NT5DC3: variants seen among roughly 807,000 people sequenced by gnomAD.
The protein encoded by NT5DC3 is 5'-nucleotidase domain-containing protein 3.
A neutral mutation model predicts 67.8 loss-of-function variants in NT5DC3; 42 were observed. The ratio of observed to expected loss-of-function variants is 0.62; its 90% CI spans 0.48 to 0.80. The LOEUF is 0.80. Ranked by LOEUF, NT5DC3 falls within the 30% of genes least tolerant of loss-of-function variation. NT5DC3 has a pLI of 0.00. For missense variants in NT5DC3, 570 were observed against 696.4 expected, an observed-to-expected ratio of 0.82 and a Z score of 2.04; for synonymous variants, 237 against 255.6, an observed-to-expected ratio of 0.93 and a Z score of 0.69.
At chr12:103,800,863 G>A (rs143249831) in intron 4 of NT5DC3, among the ~76,000 whole-genome samples, 241 of 152,210 alleles carry the variant, frequency 1.6e-3, no homozygotes, top group African/African-American at 5.6e-3. Flanking sequence ...TCCCTTTTGG[G>A]TCTCAAAGTC....
intron 9 of NT5DC3, among the ~76,000 whole-genome samples, chr12:103,791,919 C>T (rs1045232276): frequency 3.3e-5 from 5 of 152,232 alleles, no homozygotes; most frequent in Non-Finnish European, 7.3e-5. Flanking sequence ...CCCCCACAAA[C>T]CTGCTGGAAA....
At chr12:103,785,516 A>G (rs1249725496) in intron 11 of NT5DC3, 41 bp from the exon 12 acceptor site, 1 of 1,604,888 alleles carries the variant, frequency 6.2e-7, no homozygotes, top group Non-Finnish European at 8.5e-7. Flanking sequence ...CAGTCTCAAC[A>G]GAATCTAAAC....
At chr12:103,759,110 CTG>C in the NT5DC3 span, 10 of 1,614,116 alleles carry the variant, frequency 6.2e-6, no homozygotes, top group East Asian at 2.2e-5. Flanking sequence ...GAAGAGCATT[CTG>C]TGTTTCTCCT....
chr12:103,837,719 A>C (rs1888212005), intron 1 of NT5DC3, among the ~76,000 whole-genome samples: 1 of 152,224 alleles, frequency 6.6e-6, no homozygotes. Flanking sequence ...CCTACATCTG[A>C]GACTACTTCA....
chr12:103,798,868 T>C (rs1886437444), intron 4 of NT5DC3, among the ~76,000 whole-genome samples, 191 bp from the exon 5 acceptor site: 2 of 152,238 alleles, frequency 1.3e-5, no homozygotes, highest in Admixed American at 1.3e-4. Flanking sequence ...TACTGTTCTA[T>C]TGGTAACAAG....
rs1043854723 is a variant in NT5DC3, at chr12:103,775,413, A to G, written c.*2416T>C. 2 of 152,258 alleles carry G rather than the reference A, an allele frequency of 1.3e-5. No individual in the cohort carries two copies. The highest frequency in any genetic ancestry group is 1.5e-5 in the Non-Finnish European group (1 of 68,048). 9.4% of individuals were successfully genotyped at this position (152,258 alleles called of 1,614,324 possible). A position where few individuals can be genotyped will look rare whatever the true frequency, so the allele number is the denominator to read the frequency against. ...CATTCTTGAGTAAACAAAACACCCT[A>G]TAACTGGCACCTGGTAGGTAATCAA... On this transcript the variant is annotated 3_prime_UTR_variant, in exon 14 of 14. Coordinates refer to ENST00000392876, the MANE Select transcript of NT5DC3 (RefSeq NM_001031701.3).
the NT5DC3 span, chr12:103,763,249 G>A: frequency 1.8e-5 from 9 of 497,994 alleles, no homozygotes; most frequent in Non-Finnish European, 3.3e-5. Context: ...ACATCCTGGG[G>A]TATGGAAATG....
Position 103,832,100 on chromosome 12 carries a change from C to T in NT5DC3, c.208+8849G>A, listed in dbSNP as rs567272426. Among the ~76,000 whole-genome samples, 19 of 152,088 alleles carry T rather than the reference C, an allele frequency of 1.2e-4. No homozygotes were observed. The East Asian group carries it at 3.5e-3, about 28-fold the overall frequency. ...CCTCGGCTTCCTCTTCATTATTAGT[C>T]CTTGAGATTTCTCCAGTTTCTCAGA... On this transcript the variant is annotated intron_variant, in intron 1 of 13. Coordinates refer to ENST00000392876, the MANE Select transcript of NT5DC3 (RefSeq NM_001031701.3).
chr12:103,826,020 A>G (rs1187899299), intron 1 of NT5DC3, among the ~76,000 whole-genome samples: 4 of 152,214 alleles, frequency 2.6e-5, no homozygotes, highest in African/African-American at 9.6e-5. Flanking sequence ...TCACACAGCC[A>G]TTAAACATTA....
At position 103,815,356 on chromosome 12, in the gene NT5DC3, C is replaced by T. The variant is rs76092270; in HGVS notation, c.209-235G>A. 3.2e-3 allele frequency among the ~76,000 whole-genome samples: 485 copies of T among 152,158 alleles called. 3 individuals carry two copies. Among genetic ancestry groups the T allele is most frequent in the East Asian group, 0.029 (150 of 5,174 alleles). ...AAGGAGATTCATGGTTGCCTAGGAC[C>T]GCTCACTGCTAATGGGCACAGAATT... On this transcript the variant is annotated intron_variant, in intron 1 of 13. Coordinates refer to ENST00000392876, the MANE Select transcript of NT5DC3 (RefSeq NM_001031701.3).
the NT5DC3 span, among the ~76,000 whole-genome samples, chr12:103,747,673 A>G: frequency 6.6e-6 from 1 of 152,092 alleles, no homozygotes; most frequent in African/African-American, 2.4e-5. Flanking sequence ...GCAACCATGA[A>G]CCCACCTGAA....
At chr12:103,834,578 G>A (rs757094483) in intron 1 of NT5DC3, among the ~76,000 whole-genome samples, 2 of 152,156 alleles carry the variant, frequency 1.3e-5, no homozygotes, top group Non-Finnish European at 2.9e-5. Flanking sequence ...ATCAGTATTG[G>A]TTCATTAATT....
the NT5DC3 span, among the ~76,000 whole-genome samples, chr12:103,765,086 C>CAA: frequency 4.8e-3 from 318 of 66,444 alleles, 1 homozygote; most frequent in East Asian, 0.035. Context: ...GACTCTGTCT[C>CAA]AAAAAAAAAA....
downstream of NT5DC3, among the ~76,000 whole-genome samples, chr12:103,772,127 G>C (rs1313643167): frequency 6.6e-6 from 1 of 152,108 alleles, no homozygotes; most frequent in Non-Finnish European, 1.5e-5. Flanking sequence ...TTCTCTCAGG[G>C]ATAAACTTTT....
chr12:103,833,503 T>G (rs1566132605), intron 1 of NT5DC3, among the ~76,000 whole-genome samples: 1 of 152,188 alleles, frequency 6.6e-6, no homozygotes, highest in Non-Finnish European at 1.5e-5. Flanking sequence ...ACGCTAAGCT[T>G]ACATCATCAT....
rs1222410457 is a variant in NT5DC3 at position 103,775,306 on chromosome 12, C to T, written c.*2523G>A. 1 of 115,348 alleles carries T rather than the reference C, an allele frequency of 8.7e-6. No homozygotes were observed. Among genetic ancestry groups the T allele is most frequent in the African/African-American group, 2.8e-5 (1 of 36,128 alleles). The allele number at this position is 115,348 out of a possible 1,614,324, so 7.1% of individuals were successfully genotyped here. ...TTGATTACAAAACTCATTATTCATA[C>T]CCAAAAATGTTTTTCTCCTTCAAAG... On this transcript the variant is annotated 3_prime_UTR_variant, in exon 14 of 14. Coordinates refer to ENST00000392876, the MANE Select transcript of NT5DC3 (RefSeq NM_001031701.3).
chr12:103,804,894 A>T (rs1040770100), intron 4 of NT5DC3, among the ~76,000 whole-genome samples: 4 of 152,202 alleles, frequency 2.6e-5, no homozygotes, highest in Non-Finnish European at 5.9e-5. Flanking sequence ...TCTTTTAAAA[A>T]TACAAAACTA....
At chr12:103,826,570 C>A (rs923931018) in intron 1 of NT5DC3, among the ~76,000 whole-genome samples, 4 of 152,220 alleles carry the variant, frequency 2.6e-5, no homozygotes, top group African/African-American at 7.2e-5. Flanking sequence ...CCCCCAGAAC[C>A]TCCAGAAAGA....
intron 11 of NT5DC3, among the ~76,000 whole-genome samples, chr12:103,786,810 G>T (rs1885802708): frequency 6.6e-6 from 1 of 151,554 alleles, no homozygotes; most frequent in African/African-American, 2.4e-5. Flanking sequence ...AGCCTCCCCA[G>T]TAGCTGGGAT....
Sources: gnomAD v4.1 joint callset for allele counts (sites outside exome capture counted in the v4.1 genomes callset) on GRCh38, gnomAD v4.1.1 for gene constraint, MANE v1.5 for transcripts, NCBI Gene and HGNC (gene_info 2026-07-23, HGNC 2026-07-21) for gene names.